The following NCOA2 variants were observed in gnomAD, a reference collection of about 807,000 sequenced individuals.
NCOA2 encodes nuclear receptor coactivator 2.
In NCOA2, 21 loss-of-function variants were observed where a neutral mutation model predicts 145.1. That is an observed-to-expected ratio of 0.14 (90% CI 0.10 to 0.21). The LOEUF (loss-of-function observed/expected upper bound fraction) is 0.21. Among genes scored for constraint, NCOA2 ranks in the 10% least tolerant of loss-of-function variants. The probability of loss-of-function intolerance (pLI) is 1.00; values close to 1 mark genes in which losing one functional copy is unlikely to be tolerated. For synonymous variants in NCOA2, 619 were observed against 637.5 expected (o/e 0.97, Z 0.44); for missense variants, 1,472 against 1,837.6 (o/e 0.80, Z 3.64).
At chr8:70,378,167 G>A (rs370195859) in intron 1 of NCOA2, among the ~76,000 whole-genome samples, 3 of 152,162 alleles carry the variant, frequency 2.0e-5, no homozygotes, top group East Asian at 3.8e-4. Flanking sequence ...GCCACAAACT[G>A]ACCTGGAGCA....
the NCOA2 span, among the ~76,000 whole-genome samples, chr8:70,429,822 A>G: frequency 0.26 from 40,191 of 152,124 alleles, 5,553 homozygotes; most frequent in East Asian, 0.51. Context: ...TTTTATTTTT[A>G]TTTTTAGTTA....
At chr8:70,266,625 A>C (rs1386131736) in intron 2 of NCOA2, among the ~76,000 whole-genome samples, 7 of 152,054 alleles carry the variant, frequency 4.6e-5, no homozygotes, top group African/African-American at 1.7e-4. Context: ...ATCCTCTCTA[A>C]CACCACCTTT....
intron 21 of NCOA2, among the ~76,000 whole-genome samples, chr8:70,123,038 T>G (rs1807995453): frequency 6.6e-6 from 1 of 152,194 alleles, no homozygotes; most frequent in East Asian, 1.9e-4. Flanking sequence ...AATACCATGG[T>G]ACAATTATTA....
chr8:70,215,667 A>G (rs1385242074), intron 3 of NCOA2, among the ~76,000 whole-genome samples: 2 of 152,114 alleles, frequency 1.3e-5, no homozygotes, highest in African/African-American at 4.8e-5. Flanking sequence ...ATTAGGTAGA[A>G]GGTGTTGTTT....
intron 4 of NCOA2, among the ~76,000 whole-genome samples, chr8:70,175,537 A>G (rs1814734550): frequency 6.6e-6 from 1 of 152,256 alleles, no homozygotes; most frequent in African/African-American, 2.4e-5. Context: ...GTGCAAGGCA[A>G]ATTTTAGGCT....
At chr8:70,395,356 C>G (rs1394804555) in intron 1 of NCOA2, among the ~76,000 whole-genome samples, 1 of 152,186 alleles carries the variant, frequency 6.6e-6, no homozygotes, top group Non-Finnish European at 1.5e-5. Flanking sequence ...GCTGCTGGCA[C>G]AAGATGGCAG....
At chr8:70,292,332 T>C (rs1826757515) in intron 2 of NCOA2, among the ~76,000 whole-genome samples, 1 of 151,814 alleles carries the variant, frequency 6.6e-6, no homozygotes, top group Non-Finnish European at 1.5e-5. Context: ...TTTGTATTTT[T>C]AGTAGAGATG....
At chr8:70,432,211 G>A in the NCOA2 span, among the ~76,000 whole-genome samples, 3 of 152,236 alleles carry the variant, frequency 2.0e-5, no homozygotes, top group South Asian at 6.2e-4. Flanking sequence ...TGACAGTGAG[G>A]CTGAAGTAGA....
intron 2 of NCOA2, among the ~76,000 whole-genome samples, chr8:70,276,058 C>A (rs1435782141): frequency 6.6e-6 from 1 of 152,138 alleles, no homozygotes; most frequent in African/African-American, 2.4e-5. Flanking sequence ...TTATCAGAGA[C>A]ATATTTCAAT....
intron 2 of NCOA2, among the ~76,000 whole-genome samples, chr8:70,278,693 A>C (rs1047861787): frequency 2.0e-5 from 3 of 152,056 alleles, no homozygotes; most frequent in African/African-American, 7.2e-5. Flanking sequence ...TTGGCTTGGG[A>C]CGGTGGCTCA....
chr8:70,408,793 G>GGT (rs1814817139), upstream of NCOA2, among the ~76,000 whole-genome samples: 1 of 142,722 alleles, frequency 7.0e-6, no homozygotes, highest in Non-Finnish European at 1.5e-5. Context: ...TTTTTTTTTG[G>GGT]ATTTTTTTTT....
intron 19 of NCOA2, 68 bp from the exon 20 acceptor site, chr8:70,124,933 G>A: frequency 7.2e-7 from 1 of 1,387,558 alleles, no homozygotes; most frequent in Non-Finnish European, 9.7e-7. Context: ...ACTGGTGGGG[G>A]GGAAAGAACA....
At chr8:70,334,198 T>C (rs942765942) in intron 1 of NCOA2, among the ~76,000 whole-genome samples, 1 of 152,192 alleles carries the variant, frequency 6.6e-6, no homozygotes, top group African/African-American at 2.4e-5. Flanking sequence ...CCAAGCTAAT[T>C]TCCTACTTCA....
intron 1 of NCOA2, among the ~76,000 whole-genome samples, chr8:70,310,503 T>C (rs1294123580): frequency 6.6e-6 from 1 of 152,188 alleles, no homozygotes; most frequent in Non-Finnish European, 1.5e-5. Context: ...AATAAAATGT[T>C]TGGGTTCTGA....
chr8:70,332,607 T>C (rs1378528297), intron 1 of NCOA2, among the ~76,000 whole-genome samples: 1 of 152,226 alleles, frequency 6.6e-6, no homozygotes, highest in African/African-American at 2.4e-5. Flanking sequence ...AGGTGCTTCA[T>C]AATGTGTATG....
At chr8:70,280,300 T>G (rs1772653918) in intron 2 of NCOA2, among the ~76,000 whole-genome samples, 1 of 152,150 alleles carries the variant, frequency 6.6e-6, no homozygotes, top group African/African-American at 2.4e-5. Context: ...AATTGTGACA[T>G]CTGAAGCTTT....
chr8:70,421,612 ACAT>A, the NCOA2 span, among the ~76,000 whole-genome samples: 1 of 152,032 alleles, frequency 6.6e-6, no homozygotes, highest in African/African-American at 2.4e-5. Flanking sequence ...AATTCCGAAA[ACAT>A]AAAAACTATA....
chr8:70,270,651 A>G (rs1443507629), intron 2 of NCOA2, among the ~76,000 whole-genome samples: 1 of 152,172 alleles, frequency 6.6e-6, no homozygotes, highest in African/African-American at 2.4e-5. Context: ...CTTTAAAAGT[A>G]AAAAACCATA....
At chr8:70,433,234 T>C in the NCOA2 span, among the ~76,000 whole-genome samples, 1 of 152,192 alleles carries the variant, frequency 6.6e-6, no homozygotes, top group East Asian at 1.9e-4. Flanking sequence ...TAATAGTCAA[T>C]AGTGATTTTT....
Sources: gnomAD v4.1 joint callset for allele counts (sites outside exome capture counted in the v4.1 genomes callset) on GRCh38, gnomAD v4.1.1 for gene constraint, MANE v1.5 for transcripts, NCBI Gene and HGNC (gene_info 2026-07-23, HGNC 2026-07-21) for gene names.